METTL25: variants seen among roughly 807,000 people sequenced by gnomAD.
METTL25 encodes probable methyltransferase-like protein 25.
In METTL25, 64 loss-of-function variants were observed where a neutral mutation model predicts 71.6. That is an observed-to-expected ratio of 0.89 (90% CI 0.73 to 1.10). The LOEUF is 1.10. METTL25 is among the 50% of genes least tolerant of loss of function. The pLI, the probability that METTL25 is intolerant of heterozygous loss-of-function variation, is 0.00. For missense variants in METTL25, 807 were observed against 707.0 expected (o/e 1.14, Z -1.60); for synonymous variants, 287 against 250.3 (o/e 1.15, Z -1.38).
At chr12:82,455,636 G>C (rs1298620300) in intron 8 of METTL25, among the ~76,000 whole-genome samples, 1 of 151,902 alleles carries the variant, frequency 6.6e-6, no homozygotes, top group East Asian at 1.9e-4. Context: ...AACTGCATGA[G>C]CAAATGTACC....
At chr12:82,369,206 G>A (rs916469652) in intron 1 of METTL25, among the ~76,000 whole-genome samples, 4 of 152,164 alleles carry the variant, frequency 2.6e-5, no homozygotes, top group African/African-American at 4.8e-5. Context: ...ATTACTCATT[G>A]TATGTTATTT....
chr12:82,436,103 C>G (rs945152474), intron 7 of METTL25, among the ~76,000 whole-genome samples: 7 of 151,322 alleles, frequency 4.6e-5, no homozygotes, highest in Non-Finnish European at 1.0e-4. Context: ...TACTCTAATG[C>G]ATTCATGTGG....
chr12:82,475,304 C>T (rs1432746851), intron 9 of METTL25, among the ~76,000 whole-genome samples: 1 of 152,116 alleles, frequency 6.6e-6, no homozygotes, highest in Non-Finnish European at 1.5e-5. Flanking sequence ...TATTCTTCTA[C>T]AAAAGTTTGC....
intron 8 of METTL25, among the ~76,000 whole-genome samples, chr12:82,449,793 T>C (rs896433104): frequency 1.4e-5 from 2 of 147,312 alleles, no homozygotes; most frequent in Non-Finnish European, 3.0e-5. Context: ...GAGCACAGAT[T>C]CTAAAAATCC....
chr12:82,422,910 T>C (rs963784311), intron 5 of METTL25, among the ~76,000 whole-genome samples: 1 of 152,184 alleles, frequency 6.6e-6, no homozygotes, highest in African/African-American at 2.4e-5. Flanking sequence ...TACAAACAAA[T>C]GGAAGAACAT....
intron 4 of METTL25, among the ~76,000 whole-genome samples, chr12:82,402,389 C>T (rs1371142174): frequency 6.6e-6 from 1 of 151,908 alleles, no homozygotes; most frequent in Non-Finnish European, 1.5e-5. Context: ...AAATTTATAA[C>T]AAAGCACAGG....
intron 1 of METTL25, among the ~76,000 whole-genome samples, chr12:82,376,309 A>G (rs1461830355): frequency 2.0e-5 from 3 of 152,214 alleles, no homozygotes; most frequent in African/African-American, 4.8e-5. Flanking sequence ...AATTAAAAAC[A>G]TGTACATCTC....
intron 5 of METTL25, among the ~76,000 whole-genome samples, chr12:82,418,054 C>A (rs976035596): frequency 6.6e-6 from 1 of 152,032 alleles, no homozygotes; most frequent in Non-Finnish European, 1.5e-5. Flanking sequence ...TTGCTGGAAT[C>A]CATATGGAAG....
At position 82,434,724 on chromosome 12, in the gene METTL25, GGTAA is replaced by G. The variant is rs761295676; in HGVS notation, c.1404+6_1404+9del. 4.4e-6 allele frequency: 7 copies of G among 1,609,006 alleles called. No individual in the cohort carries two copies. Among genetic ancestry groups the G allele is most frequent in the East Asian group, 2.2e-5 (1 of 44,660 alleles). ...TGGAGCGGGTTGCAGCTGGCCAAGG[GGTAA>G]GTAAGAGTGTTAACTGATGAACACG... On this transcript the variant is annotated splice_donor_variant and splice_donor_region_variant and intron_variant, in intron 7 of 11. Transcript: ENST00000248306. LOFTEE classifies it high-confidence loss of function.
At chr12:82,470,186 A>G (rs184197370) in intron 9 of METTL25, among the ~76,000 whole-genome samples, 272 of 152,260 alleles carry the variant, frequency 1.8e-3, no homozygotes, top group African/African-American at 5.9e-3. Flanking sequence ...GAAATTCATG[A>G]TTATTTCTTA....
intron 6 of METTL25, among the ~76,000 whole-genome samples, chr12:82,434,322 T>G (rs1792503558): frequency 6.6e-6 from 1 of 151,434 alleles, no homozygotes; most frequent in African/African-American, 2.4e-5. Context: ...TATGTCTGTA[T>G]ATGTGCATAA....
Position 82,430,873 on chromosome 12 carries a change from T to C in METTL25, c.1280-20T>C, listed in dbSNP as rs746599413. Reference sequence around the variant, plus strand: ...GAAAGAATTTTATTTAAATAATCCGTATTTTTCCCCCATCTGCAGAACGTA... The same window carrying C: ...GAAAGAATTTTATTTAAATAATCCGCATTTTTCCCCCATCTGCAGAACGTA... On this transcript the variant is annotated intron_variant, in intron 5 of 11. Transcript: ENST00000248306. 8 of 1,287,092 alleles carry C rather than the reference T, an allele frequency of 6.2e-6. No homozygotes were observed. The African/African-American group carries it at 1.2e-4, about 19-fold the overall frequency. 79.7% of individuals were successfully genotyped at this position (1,287,092 alleles called of 1,614,324 possible).
In METTL25 at chr12:82,399,155, T is replaced by C; in HGVS notation, c.892T>C (p.Ser298Pro). Residue 298 changes from serine to proline, a missense_variant, in exon 4 of 12, where the codon TCT becomes CCT. Ser to Pro is a moderately conservative substitution (Grantham distance 74). Coordinates refer to ENST00000248306, the MANE Select transcript of METTL25 (RefSeq NM_032230.3). ...NIRNQMETLH[S>P]QPHQEENLCF... ...CAGAAACCAAATGGAAACCCTTCAT[T>C]CTCAGCCACATCAAGAAGAAAATTT... 1 of 1,613,682 alleles carries C rather than the reference T, an allele frequency of 6.2e-7. No individual in the cohort carries two copies.
chr12:82,465,203 C>T (rs760003421), intron 9 of METTL25, among the ~76,000 whole-genome samples: 26 of 151,920 alleles, frequency 1.7e-4, no homozygotes, highest in Non-Finnish European at 3.4e-4. Context: ...GAAAAGCTTT[C>T]AGTTTTCCCC....
At chr12:82,410,450 G>A (rs1887469417) in intron 5 of METTL25, among the ~76,000 whole-genome samples, 1 of 152,060 alleles carries the variant, frequency 6.6e-6, no homozygotes, top group South Asian at 2.1e-4. Flanking sequence ...CTGGAAGTTT[G>A]GAGGATATTG....
intron 9 of METTL25, among the ~76,000 whole-genome samples, chr12:82,467,697 C>T (rs1049644286): frequency 6.6e-6 from 1 of 151,980 alleles, no homozygotes; most frequent in African/African-American, 2.4e-5. Context: ...ATGCTTTTCT[C>T]TTGATGATTT....
intron 1 of METTL25, among the ~76,000 whole-genome samples, chr12:82,376,941 C>T (rs1164712258): frequency 3.3e-5 from 5 of 152,168 alleles, no homozygotes; most frequent in Admixed American, 1.3e-4. Context: ...TGGCGAAACC[C>T]TGTCTTTACT....
intron 7 of METTL25, 96 bp downstream of exon 7, chr12:82,434,820 A>G: frequency 9.9e-7 from 1 of 1,010,852 alleles, no homozygotes; most frequent in Admixed American, 1.8e-5. Context: ...ATGGAATTTA[A>G]TAAATATCTT....
chr12:82,434,828 C>T (rs1221848098), intron 7 of METTL25, 104 bp downstream of exon 7: 3 of 972,058 alleles, frequency 3.1e-6, no homozygotes, highest in Non-Finnish European at 4.9e-6. Context: ...TAATAAATAT[C>T]TTGTCCCAGA....
Sources: gnomAD v4.1 joint callset for allele counts (sites outside exome capture counted in the v4.1 genomes callset) on GRCh38, gnomAD v4.1.1 for gene constraint, MANE v1.5 for transcripts, NCBI Gene and HGNC (gene_info 2026-07-23, HGNC 2026-07-21) for gene names.